Variants in CFAP100 observed in about 807,000 individuals in gnomAD.
CFAP100 encodes the protein cilia and flagella associated protein 100.
In CFAP100, 70 loss-of-function variants were observed where a neutral mutation model predicts 81.5. The observed-to-expected ratio is 0.86, with a 90% CI of 0.71 to 1.05. The LOEUF (loss-of-function observed/expected upper bound fraction) is 1.05. Ranked by LOEUF, CFAP100 falls within the 50% of genes least tolerant of loss-of-function variation. CFAP100 has a pLI of 0.00. For missense variants in CFAP100, 811 were observed against 776.5 expected (o/e 1.04, Z -0.53); for synonymous variants, 341 against 314.8 (o/e 1.08, Z -0.88).
At chr3:126,416,095 G>C (rs1460554277) in intron 4 of CFAP100, among the ~76,000 whole-genome samples, 1 of 152,146 alleles carries the variant, frequency 6.6e-6, no homozygotes, top group Non-Finnish European at 1.5e-5. Context: ...TGACCGGGCA[G>C]CCTGTGTTTG....
intron 2 of CFAP100, 65 bp downstream of exon 2, chr3:126,396,114 C>T: frequency 7.9e-7 from 1 of 1,261,440 alleles, no homozygotes; most frequent in Admixed American, 1.7e-5. Context: ...TGTCCAGCTC[C>T]CTCACAGGTT....
chr3:126,402,501 C>T (rs936012006), intron 2 of CFAP100, among the ~76,000 whole-genome samples: 2 of 152,036 alleles, frequency 1.3e-5, no homozygotes, highest in Non-Finnish European at 1.5e-5. Context: ...AGAATAGTTT[C>T]GGGGTTCTGG....
chr3:126,435,877 T>C (rs1274387050), intron 16 of CFAP100, among the ~76,000 whole-genome samples: 1 of 152,034 alleles, frequency 6.6e-6, no homozygotes, highest in Non-Finnish European at 1.5e-5. Context: ...CTGAGCCTGG[T>C]TCAGCCATGC....
At chr3:126,413,822 C>T (rs992020190) in intron 3 of CFAP100, among the ~76,000 whole-genome samples, 2 of 152,222 alleles carry the variant, frequency 1.3e-5, no homozygotes, top group African/African-American at 4.8e-5. Flanking sequence ...TGAGGGCAGA[C>T]GTGTGAGACA....
chr3:126,404,680 A>AC (rs1281300671), intron 2 of CFAP100, among the ~76,000 whole-genome samples: 2 of 152,050 alleles, frequency 1.3e-5, no homozygotes, highest in Admixed American at 6.5e-5. Context: ...AGGGAAAATG[A>AC]GGTTTTTTTT....
chr3:126,418,218 C>T, intron 5 of CFAP100: 3 of 542,792 alleles, frequency 5.5e-6, no homozygotes, highest in Non-Finnish European at 1.0e-5. Flanking sequence ...AAGTCAGACA[C>T]AGTAAGGACT....
Position 126,436,368 on chromosome 3 carries a change from C to T in CFAP100, c.1800C>T (p.Asp600=), listed in dbSNP as rs748013899. The change falls in exon 17 of 17, where the codon GAC becomes GAT. Residue 600 remains aspartate, a synonymous_variant. Coordinates refer to ENST00000352312, the MANE Select transcript of CFAP100 (RefSeq NM_182628.3). ...AACAGTCTGAGCACACACTGATGGA[C>T]AAGGAGGAGGAGGAGCTGCTATTTT... ...IKQQSEHTLM[D]KEEEELLFFF... is the part of the protein sequence containing the mutation. 1.9e-6 allele frequency: 3 copies of T among 1,614,018 alleles called. No homozygotes were observed. The highest frequency in any genetic ancestry group is 1.7e-5 in the Admixed American group (1 of 60,004).
At chr3:126,419,952 A>G (rs1313863346) in intron 9 of CFAP100, 28 bp from the exon 10 acceptor site, 2 of 1,612,738 alleles carry the variant, frequency 1.2e-6, no homozygotes, top group African/African-American at 1.3e-5. Flanking sequence ...AGCTGAGGCC[A>G]TCGGGGCCCC....
At chr3:126,406,106 C>T (rs2083058749) in intron 2 of CFAP100, among the ~76,000 whole-genome samples, 2 of 152,130 alleles carry the variant, frequency 1.3e-5, no homozygotes, top group Admixed American at 1.3e-4. Flanking sequence ...GTTCAGCAAC[C>T]GAGCCCCTGA....
chr3:126,420,259 T>G (rs1339372753), intron 11 of CFAP100, 30 bp downstream of exon 11: 1 of 1,609,782 alleles, frequency 6.2e-7, no homozygotes, highest in African/African-American at 1.3e-5. Context: ...TGGGAGGGGC[T>G]GAGGCCTAGC....
At chr3:126,409,253 C>T (rs4679239) in intron 3 of CFAP100, among the ~76,000 whole-genome samples, 50,918 of 152,026 alleles carry the variant, frequency 0.33, 8,701 homozygotes, top group East Asian at 0.42. Flanking sequence ...TAAATGGAAT[C>T]GCACACTGTC....
At chr3:126,430,677 ATTCT>A (rs1290470226) in intron 13 of CFAP100, among the ~76,000 whole-genome samples, 1 of 149,682 alleles carries the variant, frequency 6.7e-6, no homozygotes, top group East Asian at 2.0e-4. Flanking sequence ...GAGTTCACTG[ATTCT>A]TTCTTCTGCT....
In CFAP100 at chr3:126,436,507, G is replaced by A. The variant is rs1459008736; in HGVS notation, c.*103G>A. The A allele has an allele frequency of 3.9e-6, 3 of 762,670 alleles. No individual in the cohort carries two copies. In the African/African-American group the frequency reaches 5.2e-5, roughly 13 times the overall value. The allele number at this position is 762,670 out of a possible 1,614,324, so 47.2% of individuals were successfully genotyped here. A position where few individuals can be genotyped will look rare whatever the true frequency, so the allele number is the denominator to read the frequency against. Reference sequence around the variant, plus strand: ...CGAGTGGCCCAACTGAGTCCTCTCTGTCTCCTGTGTGCTCCCTTCCTCACC... The same window carrying A: ...CGAGTGGCCCAACTGAGTCCTCTCTATCTCCTGTGTGCTCCCTTCCTCACC... On this transcript the variant is annotated 3_prime_UTR_variant, in exon 17 of 17. Coordinates refer to ENST00000352312, the MANE Select transcript of CFAP100 (RefSeq NM_182628.3).
At chr3:126,422,073 A>G (rs1257077848) in intron 11 of CFAP100, among the ~76,000 whole-genome samples, 1 of 152,172 alleles carries the variant, frequency 6.6e-6, no homozygotes, top group African/African-American at 2.4e-5. Flanking sequence ...TTGCCAGGTG[A>G]CCAGGGCCAC....
chr3:126,419,238 C>A, intron 8 of CFAP100, 82 bp downstream of exon 8: 1 of 913,226 alleles, frequency 1.1e-6, no homozygotes, highest in Non-Finnish European at 1.7e-6. Flanking sequence ...GGAAGCCTAG[C>A]ACCATGTGAA....
At position 126,419,625 on chromosome 3, in the gene CFAP100, G is replaced by T; in HGVS notation, c.732-12G>T. ...CTCCTCCTTCCCACATCCTCACCCC[G>T]CCCCGGTGTAGTGAGATCTCCAGAT... On this transcript the variant is annotated splice_polypyrimidine_tract_variant and intron_variant, in intron 8 of 16. Transcript: ENST00000352312. 6.2e-7 allele frequency: 1 copy of T among 1,611,058 alleles called. No individual in the cohort carries two copies. The highest frequency in any genetic ancestry group is 8.5e-7 in the Non-Finnish European group (1 of 1,178,246).
intron 13 of CFAP100, among the ~76,000 whole-genome samples, chr3:126,425,975 T>A (rs2083397745): frequency 6.6e-6 from 1 of 152,144 alleles, no homozygotes; most frequent in Non-Finnish European, 1.5e-5. Context: ...AAACAACAAC[T>A]AGAAGCTTTC....
At position 126,418,427 on chromosome 3, in the gene CFAP100, G is replaced by A. The variant is rs112878781; in HGVS notation, c.419-31G>A. The A allele has an allele frequency of 4.0e-4, 644 of 1,611,754 alleles. 3 individuals carry two copies. In the African/African-American group the frequency reaches 7.3e-3, roughly 18 times the overall value. ...GGCCCCTCCTCAGCCTGGGCTTCCC[G>A]CTCCTGCTCACCTCCCTCTTCTTCC... On this transcript the variant is annotated intron_variant, in intron 5 of 16. Coordinates refer to ENST00000352312, the MANE Select transcript of CFAP100 (RefSeq NM_182628.3).
At chr3:126,423,289 T>C (rs2083360176) in intron 11 of CFAP100, 36 bp from the exon 12 acceptor site, 1 of 1,590,646 alleles carries the variant, frequency 6.3e-7, no homozygotes, top group African/African-American at 1.3e-5. Flanking sequence ...CTGCTCAGGC[T>C]GGTCCCAGAG....
Sources: gnomAD v4.1 joint callset for allele counts (sites outside exome capture counted in the v4.1 genomes callset) on GRCh38, gnomAD v4.1.1 for gene constraint, MANE v1.5 for transcripts, NCBI Gene and HGNC (gene_info 2026-07-23, HGNC 2026-07-21) for gene names.